The following TNNI3K variants were observed in gnomAD, a reference collection of about 807,000 sequenced individuals.
TNNI3K encodes TNNI3 interacting kinase.
In TNNI3K, 140 loss-of-function variants were observed where a neutral mutation model predicts 114.5. That is an observed-to-expected ratio of 1.22 (90% CI 1.07 to 1.41). The LOEUF (loss-of-function observed/expected upper bound fraction) is 1.41, where lower values mean the gene tolerates loss of function less well. Among genes scored for constraint, TNNI3K ranks in the 40% most tolerant of loss-of-function variants. TNNI3K has a pLI of 0.00. For synonymous variants in TNNI3K, 347 were observed against 347.5 expected, an observed-to-expected ratio of 1.00 and a Z score of 0.02; for missense variants, 1,125 against 1,007.6, an observed-to-expected ratio of 1.12 and a Z score of -1.58.
chr1:74,324,782 G>A (rs1157861278), intron 5 of TNNI3K, among the ~76,000 whole-genome samples: 2 of 152,162 alleles, frequency 1.3e-5, no homozygotes, highest in African/African-American at 2.4e-5. Context: ...GTTTCCTGAG[G>A]GAAGTTCTAA....
intron 19 of TNNI3K, among the ~76,000 whole-genome samples, chr1:74,437,200 C>T (rs1034079234): frequency 5.3e-5 from 8 of 151,998 alleles, no homozygotes; most frequent in Admixed American, 1.3e-4. Context: ...TCTTTCTTTT[C>T]TTTAAGTTCA....
chr1:74,391,957 ATTTTTT>A (rs34656417), intron 17 of TNNI3K, among the ~76,000 whole-genome samples: 18 of 93,032 alleles, frequency 1.9e-4, no homozygotes, highest in African/African-American at 6.6e-4. Context: ...ACAGCTTATT[ATTTTTT>A]TTTTTTTTTT....
chr1:74,442,981 A>T (rs1666443925), intron 20 of TNNI3K, among the ~76,000 whole-genome samples: 1 of 152,216 alleles, frequency 6.6e-6, no homozygotes. Flanking sequence ...CAAAGAGACA[A>T]CATACCAGAA....
chr1:74,280,381 C>CA lies in TNNI3K; in HGVS notation c.444+8683dup, dbSNP rs553856449. On this transcript the variant is annotated intron_variant, in intron 5 of 24. Transcript: ENST00000326637. ...TAGGTGACAGAGCGAAACTCCATCT[C>CA]AAAAAAAAAATAAAATAAAATAAAA... 2.9e-3 allele frequency among the ~76,000 whole-genome samples: 405 copies of CA among 138,166 alleles called. 2 individuals are homozygous for CA. Among genetic ancestry groups the CA allele is most frequent in the Admixed American group, 0.012 (166 of 13,466 alleles). 90.6% of individuals were successfully genotyped at this position (138,166 alleles called of 152,430 possible).
chr1:74,246,260 TG>T (rs1257546100), intron 2 of TNNI3K, among the ~76,000 whole-genome samples: 1 of 152,248 alleles, frequency 6.6e-6, no homozygotes, highest in Non-Finnish European at 1.5e-5. Flanking sequence ...AAATATATTA[TG>T]GATGTCTTGG....
At chr1:74,412,910 A>T (rs1484396407) in intron 17 of TNNI3K, among the ~76,000 whole-genome samples, 1 of 152,202 alleles carries the variant, frequency 6.6e-6, no homozygotes, top group African/African-American at 2.4e-5. Context: ...CACCATGCCC[A>T]GCCCATCACA....
intron 21 of TNNI3K, among the ~76,000 whole-genome samples, chr1:74,483,955 G>A (rs1021884209): frequency 1.3e-5 from 2 of 152,036 alleles, no homozygotes; most frequent in Admixed American, 6.6e-5. Flanking sequence ...TTTGAATTCA[G>A]CTCTGTTTTT....
chr1:74,511,195 A>AC (rs1553154190), intron 23 of TNNI3K, among the ~76,000 whole-genome samples: 2 of 144,300 alleles, frequency 1.4e-5, no homozygotes, highest in African/African-American at 5.1e-5. Flanking sequence ...TGCCCGGCCT[A>AC]TTTTTTTTTT....
rs1330861283 is a variant in TNNI3K at position 74,249,540 on chromosome 1, TG to T, written c.233del (p.Gly78GlufsTer12). ...CTCTACTTCATTTATGTTGCATTTG[TG>T]GAGGTGAGTACTTGAAACTTAGTAC... ...LSLLHLCCIC[G>X]GKKSHIRTLM... is the part of the protein sequence containing the mutation. On this transcript the variant is annotated frameshift_variant, in exon 3 of 25. Coordinates refer to ENST00000326637, the MANE Select transcript of TNNI3K (RefSeq NM_015978.3). LOFTEE classifies it high-confidence loss of function. The T allele has an allele frequency of 5.0e-6, 8 of 1,613,396 alleles. No individual in the cohort carries two copies. Among genetic ancestry groups the T allele is most frequent in the Non-Finnish European group, 5.9e-6 (7 of 1,179,668 alleles).
At chr1:74,347,678 T>G (rs1362230327) in intron 9 of TNNI3K, among the ~76,000 whole-genome samples, 1 of 152,192 alleles carries the variant, frequency 6.6e-6, no homozygotes, top group Non-Finnish European at 1.5e-5. Context: ...TCCTGACATT[T>G]TAATGATTGC....
intron 17 of TNNI3K, among the ~76,000 whole-genome samples, chr1:74,420,513 A>G (rs1349130814): frequency 6.6e-6 from 1 of 152,116 alleles, no homozygotes; most frequent in Non-Finnish European, 1.5e-5. Flanking sequence ...AAGCTCTCAC[A>G]GCTTTCTCAA....
intron 21 of TNNI3K, chr1:74,470,274 C>T (rs149410523): frequency 5.6e-4 from 225 of 400,634 alleles, no homozygotes; most frequent in African/African-American, 4.4e-3. Flanking sequence ...TTCCATTTTC[C>T]CAAGTTTGCT....
At chr1:74,301,777 G>A (rs906859382) in intron 5 of TNNI3K, among the ~76,000 whole-genome samples, 7 of 152,146 alleles carry the variant, frequency 4.6e-5, no homozygotes, top group East Asian at 1.9e-4. Context: ...ATTTCCAGGT[G>A]TGGCCTTCAA....
intron 20 of TNNI3K, 23 bp from the exon 21 acceptor site, chr1:74,463,418 T>C (rs1360794180): frequency 6.2e-7 from 1 of 1,613,396 alleles, no homozygotes; most frequent in South Asian, 1.1e-5. Flanking sequence ...ATTTCAAAAC[T>C]GACATGACCA....
chr1:74,277,883 T>C (rs1048065985), intron 5 of TNNI3K, among the ~76,000 whole-genome samples: 1 of 152,182 alleles, frequency 6.6e-6, no homozygotes, highest in African/African-American at 2.4e-5. Context: ...CATTTTCAAA[T>C]TGTAAACACT....
chr1:74,280,388 AAAAT>A (rs1656940173), intron 5 of TNNI3K, among the ~76,000 whole-genome samples: 1 of 149,256 alleles, frequency 6.7e-6, no homozygotes, highest in South Asian at 2.2e-4. Context: ...TCTCAAAAAA[AAAAT>A]AAAATAAAAT....
At chr1:74,515,289 G>C (rs1248299661) in intron 23 of TNNI3K, among the ~76,000 whole-genome samples, 1 of 152,182 alleles carries the variant, frequency 6.6e-6, no homozygotes, top group East Asian at 1.9e-4. Flanking sequence ...TGTTAGGTCA[G>C]TGCCCTTCCT....
intron 9 of TNNI3K, among the ~76,000 whole-genome samples, chr1:74,350,447 G>C (rs1243773118): frequency 6.6e-6 from 1 of 152,196 alleles, no homozygotes; most frequent in East Asian, 1.9e-4. Flanking sequence ...ATATTCTGTT[G>C]ATTTGGGGTG....
chr1:74,541,008 T>C (rs919405161), intron 24 of TNNI3K, among the ~76,000 whole-genome samples: 1 of 152,230 alleles, frequency 6.6e-6, no homozygotes, highest in Non-Finnish European at 1.5e-5. Context: ...GATGTCCTTT[T>C]ACCAACCTTT....
Sources: gnomAD v4.1 joint callset for allele counts (sites outside exome capture counted in the v4.1 genomes callset) on GRCh38, gnomAD v4.1.1 for gene constraint, MANE v1.5 for transcripts, NCBI Gene and HGNC (gene_info 2026-07-23, HGNC 2026-07-21) for gene names.